The following CDH4 variants were observed in gnomAD, a reference collection of about 807,000 sequenced individuals.
CDH4 encodes the protein cadherin-4.
CDH4 carries 33 observed loss-of-function variants against 86.0 expected under a neutral mutation model. The observed-to-expected ratio is 0.38, with a 90% CI of 0.29 to 0.51. The LOEUF is 0.51. Ranked by LOEUF, CDH4 falls within the 20% of genes least tolerant of loss-of-function variation. The probability of loss-of-function intolerance (pLI) is 0.86; values close to 1 mark genes in which losing one functional copy is unlikely to be tolerated. For synonymous variants in CDH4, 555 were observed against 549.4 expected (o/e 1.01, Z -0.14); for missense variants, 1,114 against 1,307.4 (o/e 0.85, Z 2.28).
At chr20:61,784,573 T>G (rs375342850) in intron 4 of CDH4, among the ~76,000 whole-genome samples, 35 of 92,946 alleles carry the variant, frequency 3.8e-4, no homozygotes, top group Middle Eastern at 0.012. Flanking sequence ...AGAAATGTAA[T>G]CCCAGTTCCT....
rs2087293250 is a variant in CDH4 at position 61,663,979 on chromosome 20, G to A, written c.170-79584G>A. ...ACGTTGAGGTGTCTGTGTGCCACCG[G>A]GACCCTTCCGTAGACATGCACCATG... is the stretch of plus-strand genomic sequence containing the variant. On this transcript the variant is annotated intron_variant, in intron 2 of 15. Coordinates refer to ENST00000614565, the MANE Select transcript of CDH4 (RefSeq NM_001794.5). This position sits in a 1 kb window ranked among gnomAD's most constrained non-coding sequence, Gnocchi z 5.0. Among the ~76,000 whole-genome samples the A allele has an allele frequency of 6.6e-6, 1 of 152,160 alleles. No individual in the cohort carries two copies. Among genetic ancestry groups the A allele is most frequent in the South Asian group, 2.1e-4 (1 of 4,822 alleles).
At chr20:61,710,101 G>A (rs562790236) in intron 2 of CDH4, among the ~76,000 whole-genome samples, 9 of 152,256 alleles carry the variant, frequency 5.9e-5, no homozygotes, top group African/African-American at 1.9e-4. Flanking sequence ...AGAATGAACC[G>A]AGAACCTCAA....
At chr20:61,455,223 A>C (rs1387773869) in intron 2 of CDH4, among the ~76,000 whole-genome samples, 1 of 152,236 alleles carries the variant, frequency 6.6e-6, no homozygotes, top group African/African-American at 2.4e-5. Context: ...GGAAGATGAG[A>C]TGGAAAGCAT....
chr20:61,865,072 C>T (rs1014938147), intron 6 of CDH4, among the ~76,000 whole-genome samples: 6 of 152,120 alleles, frequency 3.9e-5, no homozygotes, highest in East Asian at 1.9e-4. Flanking sequence ...CCTCATGCCC[C>T]GACCCCTGCC....
At chr20:61,328,821 A>T (rs1316490176) in intron 2 of CDH4, among the ~76,000 whole-genome samples, 2 of 152,214 alleles carry the variant, frequency 1.3e-5, no homozygotes, top group Non-Finnish European at 2.9e-5. Context: ...TAAATAAAAA[A>T]TAGTTTGCTC....
intron 8 of CDH4, among the ~76,000 whole-genome samples, chr20:61,896,660 G>T (rs1279484031): frequency 1.3e-5 from 2 of 152,242 alleles, no homozygotes; most frequent in Non-Finnish European, 2.9e-5. Context: ...CGTTCAGATG[G>T]TTTGGAAAAC....
intron 4 of CDH4, among the ~76,000 whole-genome samples, chr20:61,841,172 C>G (rs4591418): frequency 0.4 from 61,080 of 152,142 alleles, 15,031 homozygotes; most frequent in Non-Finnish European, 0.56. Context: ...TGCCACTCAG[C>G]CACTCGAGCA....
intron 2 of CDH4, among the ~76,000 whole-genome samples, chr20:61,730,050 C>A (rs916807914): frequency 1.3e-5 from 2 of 152,130 alleles, no homozygotes; most frequent in African/African-American, 2.4e-5. Context: ...GAAGTCACCC[C>A]CCTCTCCCAC....
At chr20:61,382,671 C>T (rs2084910320) in intron 2 of CDH4, among the ~76,000 whole-genome samples, 1 of 152,188 alleles carries the variant, frequency 6.6e-6, no homozygotes, top group Non-Finnish European at 1.5e-5. Flanking sequence ...AGGCCCCTGC[C>T]TCACGTCTTC....
chr20:61,537,967 C>T (rs7261048), intron 2 of CDH4, among the ~76,000 whole-genome samples: 47,595 of 152,132 alleles, frequency 0.31, 11,896 homozygotes, highest in African/African-American at 0.69. Flanking sequence ...TGGGGTCAGG[C>T]CAACCCGGCC....
chr20:61,561,484 G>A (rs533268327), intron 2 of CDH4, among the ~76,000 whole-genome samples: 1 of 152,248 alleles, frequency 6.6e-6, no homozygotes, highest in Non-Finnish European at 1.5e-5. Flanking sequence ...CCTCCAAGTG[G>A]CCTGCGTGTG....
intron 2 of CDH4, among the ~76,000 whole-genome samples, chr20:61,514,084 A>G (rs938623349): frequency 5.3e-5 from 8 of 152,260 alleles, no homozygotes; most frequent in Non-Finnish European, 2.9e-5. Flanking sequence ...AGGCAAAATC[A>G]TAAATCAATA....
At chr20:61,299,452 A>G (rs771520582) in intron 2 of CDH4, among the ~76,000 whole-genome samples, 10 of 152,240 alleles carry the variant, frequency 6.6e-5, no homozygotes, top group Non-Finnish European at 1.3e-4. Flanking sequence ...GCCACGGGAA[A>G]CTGACACATT....
chr20:61,564,291 T>C (rs1315811275), intron 2 of CDH4, among the ~76,000 whole-genome samples: 1 of 152,146 alleles, frequency 6.6e-6, no homozygotes, highest in Non-Finnish European at 1.5e-5. Flanking sequence ...TTAAGCACAG[T>C]GTGTGTGGCT....
rs142125584 is a variant in CDH4 at position 61,873,805 on chromosome 20, G to A, written c.955G>A (p.Val319Met). ...TANGMVRYRI[V>M]TQTPQSPSQN... ...CAACGGGATGGTGCGGTACCGGATC[G>A]TGACCCAGACCCCACAGAGCCCGTC... Residue 319 changes from valine to methionine, a missense_variant, in exon 7 of 16, where the codon GTG becomes ATG. Physicochemically the swap from Val to Met is conservative, Grantham distance 21 (BLOSUM62 1). Around this residue, in one of 3 missense-constraint regions of CDH4, gnomAD observed 705 missense variants for 914.1 expected, o/e 0.77. Transcript: ENST00000614565. The A allele has an allele frequency of 4.2e-5, 68 of 1,613,952 alleles. No individual in the cohort carries two copies. Among genetic ancestry groups the A allele is most frequent in the Middle Eastern group, 1.6e-4 (1 of 6,084 alleles).
chr20:61,394,859 A>G (rs940195916), intron 2 of CDH4, among the ~76,000 whole-genome samples: 1 of 139,060 alleles, frequency 7.2e-6, no homozygotes, highest in African/African-American at 2.6e-5. Context: ...GAAGCAGTCC[A>G]TGGCCATGGG....
At chr20:61,500,591 A>G (rs1169229266) in intron 2 of CDH4, among the ~76,000 whole-genome samples, 2 of 152,206 alleles carry the variant, frequency 1.3e-5, no homozygotes, top group Non-Finnish European at 2.9e-5. Context: ...GCATTCTGCA[A>G]TGTGTGCTCT....
intron 2 of CDH4, among the ~76,000 whole-genome samples, chr20:61,486,951 A>G (rs1253956255): frequency 1.3e-5 from 2 of 152,184 alleles, no homozygotes; most frequent in African/African-American, 2.4e-5. Context: ...TAGATGCTTG[A>G]AGGGAGGTAC....
At chr20:61,686,382 T>G (rs1471373823) in intron 2 of CDH4, among the ~76,000 whole-genome samples, 1 of 151,688 alleles carries the variant, frequency 6.6e-6, no homozygotes, top group Non-Finnish European at 1.5e-5. Flanking sequence ...CATGTGTGTA[T>G]ATGTGTGTGT....
Sources: allele counts gnomAD v4.1 joint callset (sites outside exome capture counted in the v4.1 genomes callset), GRCh38; gene constraint gnomAD v4.1.1; regional missense constraint gnomAD v4.1.1; non-coding constraint Gnocchi (gnomAD v3.1); transcripts MANE v1.5; gene names NCBI Gene and HGNC (gene_info 2026-07-23, HGNC 2026-07-21).